ALPK3: variants seen among roughly 807,000 people sequenced by gnomAD.
ALPK3 encodes the protein alpha kinase 3.
In ALPK3, 102 loss-of-function variants were observed where a neutral mutation model predicts 140.0. The ratio of observed to expected loss-of-function variants is 0.73; its 90% confidence interval spans 0.62 to 0.86. The LOEUF is 0.86. Ranked by LOEUF, ALPK3 falls within the 40% of genes least tolerant of loss-of-function variation. The probability of loss-of-function intolerance (pLI) is 0.00; values close to 1 mark genes in which losing one functional copy is unlikely to be tolerated. For missense variants in ALPK3, 2,254 were observed against 2,208.2 expected (o/e 1.02, Z -0.42); for synonymous variants, 938 against 898.5 (o/e 1.04, Z -0.79).
At chr15:84,868,056 A>G in intron 13 of ALPK3, 55 bp from the exon 14 acceptor site, 1 of 1,543,522 alleles carries the variant, frequency 6.5e-7, no homozygotes, top group East Asian at 2.3e-5. Context: ...TCCGCCCCCC[A>G]AGGAACTGTG....
Position 84,862,884 on chromosome 15 carries a change from T to A in ALPK3, c.4379T>A (p.Leu1460His). 6.2e-7 allele frequency: 1 copy of A among 1,614,084 alleles called. No individual in the cohort carries two copies. The highest frequency in any genetic ancestry group is 8.5e-7 in the Non-Finnish European group (1 of 1,179,988). The change falls in exon 10 of 14, where the codon CTT (leucine) becomes CAT (histidine). Residue 1460 changes from leucine (L) to histidine (H), a missense_variant. Leu to His is a moderately conservative substitution (Grantham distance 99). Coordinates refer to ENST00000258888, the MANE Select transcript of ALPK3 (RefSeq NM_020778.5). ...LVFGPSSETS[L>H]VGRNYDVTIQ... is the part of the protein sequence containing the mutation. ...TTTGGGCCCAGCAGTGAGACTTCTCTTGTGGGCAGAAACTACGACGTCACC... is the reference window on the plus strand; with the variant it reads ...TTTGGGCCCAGCAGTGAGACTTCTCATGTGGGCAGAAACTACGACGTCACC...
chr15:84,830,175 G>T (rs575114563), intron 3 of ALPK3, among the ~76,000 whole-genome samples: 2 of 151,840 alleles, frequency 1.3e-5, no homozygotes, highest in East Asian at 3.9e-4. Flanking sequence ...CTCTTAATAC[G>T]ATATTCTGCA....
In ALPK3 at chr15:84,873,247, G is replaced by A. The variant is rs67677438; in HGVS notation, c.*4791G>A. Reference sequence around the variant, plus strand: ...GGCAGTGAGGGGGTTGATGGGCTGGGTGCATGCCAGGGACCCAATCAAGCA... The same window carrying A: ...GGCAGTGAGGGGGTTGATGGGCTGGATGCATGCCAGGGACCCAATCAAGCA... On this transcript the variant is annotated 3_prime_UTR_variant, in exon 14 of 14. Coordinates refer to ENST00000258888, the MANE Select transcript of ALPK3 (RefSeq NM_020778.5). 6.6e-6 allele frequency: 1 copy of A among 152,082 alleles called. No individual in the cohort carries two copies. Among genetic ancestry groups the A allele is most frequent in the Non-Finnish European group, 1.5e-5 (1 of 68,022 alleles). The allele number at this position is 152,082 out of a possible 1,614,324, so 9.4% of individuals were successfully genotyped here.
chr15:84,840,547 C>T lies in ALPK3; in HGVS notation c.1268C>T (p.Thr423Ile), dbSNP rs1342543116. The T allele has an allele frequency of 6.3e-7, 1 of 1,598,846 alleles. No individual in the cohort carries two copies. Among genetic ancestry groups the T allele is most frequent in the Admixed American group, 1.7e-5 (1 of 57,364 alleles). ...TTGAAGGACATGTACCTGGAGAACA[C>T]CCAGGCAGTCAGGCCTCTTGGGGAA... The part of the protein sequence containing the change: ...FSLKDMYLEN[T>I]QAVRPLGEEG... Residue 423 changes from threonine to isoleucine, a missense_variant, in exon 5 of 14, where the codon ACC (threonine) becomes ATC (isoleucine). Thr to Ile is a moderately conservative substitution (Grantham distance 89). Transcript: ENST00000258888.
At chr15:84,849,079 T>A (rs1232743398) in intron 5 of ALPK3, among the ~76,000 whole-genome samples, 2 of 151,780 alleles carry the variant, frequency 1.3e-5, no homozygotes, top group Non-Finnish European at 2.9e-5. Flanking sequence ...GAGGTGGAGG[T>A]TGCGTTGAGT....
rs558397946 is a variant in ALPK3 at position 84,857,282 on chromosome 15, G to A, written c.2544G>A (p.Pro848=). ...AGGAGGAGCGGCCAGGGGGAGTGCC[G>A]TGTATGGATCAGGGTGGCTGTCCTC... is the stretch of plus-strand genomic sequence containing the variant. ...CPKEERPGGV[P]CMDQGGCPLA... Residue 848 remains proline (P), a synonymous_variant, in exon 6 of 14, where the codon CCG becomes CCA. Coordinates refer to ENST00000258888, the MANE Select transcript of ALPK3 (RefSeq NM_020778.5). 2.9e-5 allele frequency: 47 copies of A among 1,614,016 alleles called. No individual in the cohort carries two copies. In the South Asian group the frequency reaches 4.2e-4, roughly 14 times the overall value.
intron 3 of ALPK3, among the ~76,000 whole-genome samples, chr15:84,837,278 G>GT (rs1171643633): frequency 2.0e-5 from 3 of 152,210 alleles, no homozygotes; most frequent in South Asian, 4.1e-4. Context: ...TGAGAAAGAT[G>GT]TAACAGAGAG....
At chr15:84,862,253 TCAAAA>T (rs1963954752) in intron 9 of ALPK3, among the ~76,000 whole-genome samples, 1 of 152,154 alleles carries the variant, frequency 6.6e-6, no homozygotes, top group Non-Finnish European at 1.5e-5. Context: ...ATTCATCTGA[TCAAAA>T]CAACGAATTC....
chr15:84,862,187 T>C lies in ALPK3; in HGVS notation c.4130-448T>C, dbSNP rs576078480. Among the ~76,000 whole-genome samples, 6 of 152,304 alleles carry C rather than the reference T, an allele frequency of 3.9e-5. No homozygotes were observed. The East Asian group carries it at 1.2e-3, about 29-fold the overall frequency. On this transcript the variant is annotated intron_variant, in intron 9 of 13. Transcript: ENST00000258888. ...ATTAGGGGTGCTCATTGCTGCTGGA[T>C]TGGTCCTGCAAACTTTTTGTTTCAG...
intron 5 of ALPK3, among the ~76,000 whole-genome samples, chr15:84,846,815 G>A (rs554881886): frequency 2.0e-5 from 3 of 152,196 alleles, no homozygotes; most frequent in East Asian, 1.9e-4. Flanking sequence ...TGCCTGGCAC[G>A]CTGCAGTGGC....
intron 5 of ALPK3, among the ~76,000 whole-genome samples, chr15:84,850,752 AAACC>A (rs1963792332): frequency 6.6e-6 from 1 of 152,142 alleles, no homozygotes; most frequent in Non-Finnish European, 1.5e-5. Flanking sequence ...ATGGCAAATT[AAACC>A]TCCTAATATC....
Position 84,838,959 on chromosome 15 carries a change from A to G in ALPK3, c.305-21A>G, listed in dbSNP as rs373244463. 1.2e-5 allele frequency: 19 copies of G among 1,605,382 alleles called. No homozygotes were observed. The African/African-American group carries it at 2.4e-4, about 20-fold the overall frequency. On this transcript the variant is annotated intron_variant, in intron 3 of 13. Coordinates refer to ENST00000258888, the MANE Select transcript of ALPK3 (RefSeq NM_020778.5). Reference sequence around the variant, plus strand: ...TTTGGAACTGGCCTTGCTGTAACCCAGTCTCCTGCTTCTTTCTCAGGATAC... The same window carrying G: ...TTTGGAACTGGCCTTGCTGTAACCCGGTCTCCTGCTTCTTTCTCAGGATAC...
rs889362037 is a variant in ALPK3 at position 84,856,605 on chromosome 15, A to G, written c.1867A>G (p.Arg623Gly). Residue 623 changes from arginine to glycine, a missense_variant, in exon 6 of 14, where the codon AGG (arginine) becomes GGG (glycine). Around this residue, in one of 3 missense-constraint regions of ALPK3, gnomAD observed 2,088 missense variants for 2,022.9 expected, o/e 1.03. Coordinates refer to ENST00000258888, the MANE Select transcript of ALPK3 (RefSeq NM_020778.5). ...GAAGATACAAGTGGATGGAAGGACC[A>G]GGGGAGATGGAACACAGACAGCCCA... ...DGKIQVDGRT[R>G]GDGTQTAQRT... 2 of 1,614,182 alleles carry G rather than the reference A, an allele frequency of 1.2e-6. No homozygotes were observed. Among genetic ancestry groups the G allele is most frequent in the African/African-American group, 1.3e-5 (1 of 75,048 alleles).
chr15:84,850,464 G>A (rs1250127355), intron 5 of ALPK3, among the ~76,000 whole-genome samples: 1 of 152,096 alleles, frequency 6.6e-6, no homozygotes, highest in Non-Finnish European at 1.5e-5. Context: ...GCTTACTGCA[G>A]CCTCGAACTC....
Position 84,858,021 on chromosome 15 carries a change from G to A in ALPK3, c.3283G>A (p.Val1095Ile), listed in dbSNP as rs1042739985. ...AGGAGCCAGTGAGGGTGAAGGAGAG[G>A]TTTCCCCTGAGGGGCCTGGCCTCCT... ...SEGASEGEGE[V>I]SPEGPGLLGA... Residue 1095 changes from valine to isoleucine, a missense_variant, in exon 6 of 14, where the codon GTT becomes ATT. Around this residue, in one of 3 missense-constraint regions of ALPK3, gnomAD observed 2,088 missense variants for 2,022.9 expected, o/e 1.03. Transcript: ENST00000258888. The A allele has an allele frequency of 6.3e-7, 1 of 1,585,606 alleles. No homozygotes were observed. Among genetic ancestry groups the A allele is most frequent in the Non-Finnish European group, 8.6e-7 (1 of 1,166,840 alleles).
In ALPK3 at chr15:84,868,297, T is replaced by C. The variant is rs1444275168; in HGVS notation, c.4959T>C (p.Ser1653=). 1 of 1,613,700 alleles carries C rather than the reference T, an allele frequency of 6.2e-7. No individual in the cohort carries two copies. The highest frequency in any genetic ancestry group is 1.1e-5 in the South Asian group (1 of 91,068). Residue 1653 remains serine (S), a synonymous_variant, in exon 14 of 14, where the codon AGT becomes AGC. Coordinates refer to ENST00000258888, the MANE Select transcript of ALPK3 (RefSeq NM_020778.5). ...CTGGCAGGAAAGGCTCCCAGCTGAG[T>C]CCTCAGCCCCAGAAGAAAGGCCTCC... is the stretch of plus-strand genomic sequence containing the variant. ...PSAGRKGSQL[S]PQPQKKGLPS...
chr15:84,818,410 C>T (rs1002378217), intron 1 of ALPK3, among the ~76,000 whole-genome samples: 1 of 152,188 alleles, frequency 6.6e-6, no homozygotes, highest in African/African-American at 2.4e-5. Flanking sequence ...CGTGGACAGG[C>T]GCATTGCCAT....
At chr15:84,866,103 C>T (rs1207786287) in intron 12 of ALPK3, among the ~76,000 whole-genome samples, 3 of 152,134 alleles carry the variant, frequency 2.0e-5, no homozygotes, top group Non-Finnish European at 4.4e-5. Flanking sequence ...AATGTCTTTC[C>T]TACCTAGCAC....
intron 2 of ALPK3, among the ~76,000 whole-genome samples, chr15:84,825,488 C>G (rs928115463): frequency 2.6e-5 from 4 of 152,160 alleles, no homozygotes; most frequent in Admixed American, 1.3e-4. Context: ...TTTTCATTAT[C>G]TAGCATGAGC....
Sources: gnomAD v4.1 joint callset for allele counts (sites outside exome capture counted in the v4.1 genomes callset) on GRCh38, gnomAD v4.1.1 for gene constraint, gnomAD v4.1.1 regional missense constraint, MANE v1.5 for transcripts, NCBI Gene and HGNC (gene_info 2026-07-23, HGNC 2026-07-21) for gene names.